Variants in SLC34A1 observed in about 807,000 individuals in gnomAD.
SLC34A1 encodes the protein solute carrier family 34 member 1, also known as sodium-dependent phosphate transport protein 2A.
In SLC34A1, 57 loss-of-function variants were observed where a neutral mutation model predicts 51.4. The ratio of observed to expected loss-of-function variants is 1.11; its 90% CI spans 0.90 to 1.38. The LOEUF (loss-of-function observed/expected upper bound fraction) is 1.38. Among genes scored for constraint, SLC34A1 ranks in the 40% most tolerant of loss-of-function variants. SLC34A1 has a pLI of 0.00. For missense variants in SLC34A1, 796 were observed against 835.6 expected (o/e 0.95, Z 0.58); for synonymous variants, 368 against 358.0 (o/e 1.03, Z -0.32).
intron 8 of SLC34A1, among the ~76,000 whole-genome samples, chr5:177,391,917 C>G (rs1372364636): frequency 6.6e-6 from 1 of 152,174 alleles, no homozygotes; most frequent in Non-Finnish European, 1.5e-5. Flanking sequence ...TCAGATCTGC[C>G]TAACAGCAAA....
chr5:177,396,800 C>T lies in SLC34A1; in HGVS notation c.1242C>T (p.Phe414=), dbSNP rs9686792. 6 of 1,614,242 alleles carry T rather than the reference C, an allele frequency of 3.7e-6. No homozygotes were observed. Among genetic ancestry groups the T allele is most frequent in the South Asian group, 1.1e-5 (1 of 91,086 alleles). The change falls in exon 11 of 13, where the codon TTC becomes TTT. Residue 414 remains phenylalanine, a synonymous_variant. Transcript: ENST00000324417. This position sits in a 1 kb window ranked among gnomAD's most constrained non-coding sequence, Gnocchi z 4.0. ...TGGTGGTGGGCGCCAGCATGACCTT[C>T]GTGGTCCAGAGCAGTTCTGTGTTCA... ...FAMVVGASMT[F]VVQSSSVFTS... is the part of the protein sequence containing the mutation.
At chr5:177,385,477 A>T (rs1762527915) in intron 1 of SLC34A1, among the ~76,000 whole-genome samples, 1 of 150,914 alleles carries the variant, frequency 6.6e-6, no homozygotes, top group South Asian at 2.1e-4. Context: ...TGCACATGTG[A>T]GTCTGCATGT....
rs750711955 is a variant in SLC34A1, at chr5:177,394,060, G to C, written c.1039G>C (p.Asp347His). The change falls in exon 10 of 13, where the codon GAC becomes CAC. Residue 347 changes from aspartate to histidine, a missense_variant. By Grantham distance (81) the Asp-to-His change is moderately conservative. Coordinates refer to ENST00000324417, the MANE Select transcript of SLC34A1 (RefSeq NM_003052.5). Reference sequence around the variant, plus strand: ...CATCTTTGTGGACACTGGCCTACCGGACCTGGCTGTGGGGCTCATCCTGCT... The same window carrying C: ...CATCTTTGTGGACACTGGCCTACCGCACCTGGCTGTGGGGCTCATCCTGCT... The part of the protein sequence containing the change: ...NHIFVDTGLP[D>H]LAVGLILLAG... The C allele has an allele frequency of 8.7e-6, 14 of 1,613,936 alleles. No individual in the cohort carries two copies. In the Admixed American group the frequency reaches 2.3e-4, roughly 27 times the overall value.
Position 177,394,193 on chromosome 5 carries a change from C to T in SLC34A1, c.1172C>T (p.Thr391Met), listed in dbSNP as rs143201338. The change falls in exon 10 of 13, where the codon ACG becomes ATG. Residue 391 changes from threonine (T) to methionine (M), a missense_variant and splice_region_variant. Physicochemically the swap from Thr to Met is moderately conservative, Grantham distance 81. Transcript: ENST00000324417. The part of the protein sequence containing the change: ...VAKVIQKVIN[T>M]DFPAPFTWVT... ...AAGGTCATCCAGAAGGTCATCAATA[C>T]GGGTGAGCTGCGAGCAGTTGACTGG... 177 of 1,613,922 alleles carry T rather than the reference C, an allele frequency of 1.1e-4. No individual in the cohort carries two copies. In the African/African-American group the frequency reaches 1.8e-3, roughly 17 times the overall value.
chr5:177,390,110 C>T, intron 8 of SLC34A1: 1 of 1,089,622 alleles, frequency 9.2e-7, no homozygotes, highest in Non-Finnish European at 1.1e-6. Flanking sequence ...ACAGAGTCTC[C>T]CCGTGCTCCC....
chr5:177,390,831 T>C (rs1426405047), intron 8 of SLC34A1, among the ~76,000 whole-genome samples: 1 of 152,092 alleles, frequency 6.6e-6, no homozygotes, highest in Non-Finnish European at 1.5e-5. Context: ...AGAAGGGGCC[T>C]CTTTAATTTA....
intron 8 of SLC34A1, among the ~76,000 whole-genome samples, chr5:177,393,047 A>G (rs1301273045): frequency 6.6e-6 from 1 of 152,234 alleles, no homozygotes; most frequent in African/African-American, 2.4e-5. Flanking sequence ...TGCTGACTCT[A>G]CAGGCCCAGC....
rs1762977966 is a variant in SLC34A1, at chr5:177,396,662, C to T, written c.1175-71C>T. 5 of 1,309,938 alleles carry T rather than the reference C, an allele frequency of 3.8e-6. No homozygotes were observed. The highest frequency in any genetic ancestry group is 1.7e-5 in the Admixed American group (1 of 59,510). 81.1% of individuals were successfully genotyped at this position (1,309,938 alleles called of 1,614,324 possible). A position where few individuals can be genotyped will look rare whatever the true frequency, so the allele number is the denominator to read the frequency against. On this transcript the variant is annotated intron_variant, in intron 10 of 12. Transcript: ENST00000324417. The surrounding 1 kb of genome is among the most constrained non-coding windows in gnomAD (Gnocchi z 4.0). ...CCCGCGGAGGTCCGCTCTCCCAGTGCCCCCGCGGAGGTCTGCTCTCCCAAT... is the reference window on the plus strand; with the variant it reads ...CCCGCGGAGGTCCGCTCTCCCAGTGTCCCCGCGGAGGTCTGCTCTCCCAAT...
chr5:177,398,709 C>T lies in SLC34A1; in HGVS notation c.*423C>T, dbSNP rs1763053303. 1 of 218,204 alleles carries T rather than the reference C, an allele frequency of 4.6e-6. No homozygotes were observed. Among genetic ancestry groups the T allele is most frequent in the Non-Finnish European group, 9.4e-6 (1 of 106,442 alleles). The allele number at this position is 218,204 out of a possible 1,614,324, so 13.5% of individuals were successfully genotyped here. ...GTTGGTGCCTGCGTTACTGAATTTG[C>T]ACACCTCCTTGCCACCTTCCTTCCT... On this transcript the variant is annotated 3_prime_UTR_variant, in exon 13 of 13. Transcript: ENST00000324417. This position sits in a 1 kb window ranked among gnomAD's most constrained non-coding sequence, Gnocchi z 4.7.
At position 177,385,682 on chromosome 5, in the gene SLC34A1, TA is replaced by T; in HGVS notation, c.-47-12del. The T allele has an allele frequency of 8.2e-7, 1 of 1,222,030 alleles. No homozygotes were observed. The highest frequency in any genetic ancestry group is 1.2e-6 in the Non-Finnish European group (1 of 835,068). 75.7% of individuals were successfully genotyped at this position (1,222,030 alleles called of 1,614,324 possible). The stretch of plus-strand genomic sequence containing the variant: ...TGGGCATGAGTGTCCCGGACACAGC[TA>T]TTGTCATTCAGCGTTGCTGAGACCC... On this transcript the variant is annotated splice_polypyrimidine_tract_variant and intron_variant, in intron 1 of 12. Transcript: ENST00000324417.
chr5:177,396,653 C>T lies in SLC34A1; in HGVS notation c.1175-80C>T, dbSNP rs532655193. 1 of 1,202,288 alleles carries T rather than the reference C, an allele frequency of 8.3e-7. No homozygotes were observed. Among genetic ancestry groups the T allele is most frequent in the East Asian group, 2.3e-5 (1 of 42,894 alleles). The allele number at this position is 1,202,288 out of a possible 1,614,324, so 74.5% of individuals were successfully genotyped here. On this transcript the variant is annotated intron_variant, in intron 10 of 12. Transcript: ENST00000324417. The surrounding 1 kb of genome is among the most constrained non-coding windows in gnomAD (Gnocchi z 4.0). Reference sequence around the variant, plus strand: ...CCCAGTGCCCCCGCGGAGGTCCGCTCTCCCAGTGCCCCCGCGGAGGTCTGC... The same window carrying T: ...CCCAGTGCCCCCGCGGAGGTCCGCTTTCCCAGTGCCCCCGCGGAGGTCTGC...
At chr5:177,387,730 C>G (rs1762638945) in intron 5 of SLC34A1, 32 bp from the exon 6 acceptor site, 9 of 1,583,282 alleles carry the variant, frequency 5.7e-6, no homozygotes, top group Non-Finnish European at 7.8e-6. Context: ...GGGTGACCGT[C>G]AAATTCATTA....
rs1236724821 is a variant in SLC34A1 at position 177,388,464 on chromosome 5, G to C, written c.936+92G>C. On this transcript the variant is annotated intron_variant, in intron 8 of 12. Coordinates refer to ENST00000324417, the MANE Select transcript of SLC34A1 (RefSeq NM_003052.5). The surrounding 1 kb of genome is among the most constrained non-coding windows in gnomAD (Gnocchi z 4.3). Reference sequence around the variant, plus strand: ...CAAAATGCTCCAGATAGACCTTGAAGATCATTTAGCCAGGAGAGGGCAAAT... The same window carrying C: ...CAAAATGCTCCAGATAGACCTTGAACATCATTTAGCCAGGAGAGGGCAAAT... 17 of 1,138,330 alleles carry C rather than the reference G, an allele frequency of 1.5e-5. No individual in the cohort carries two copies. Among genetic ancestry groups the C allele is most frequent in the Admixed American group, 7.4e-5 (4 of 53,818 alleles). The allele number at this position is 1,138,330 out of a possible 1,614,324, so 70.5% of individuals were successfully genotyped here. A position where few individuals can be genotyped will look rare whatever the true frequency, so the allele number is the denominator to read the frequency against.
rs975958205 is a variant in SLC34A1, at chr5:177,386,430, G to A, written c.396G>A (p.Val132=). 6.2e-7 allele frequency: 1 copy of A among 1,614,234 alleles called. No homozygotes were observed. The highest frequency in any genetic ancestry group is 8.5e-7 in the Non-Finnish European group (1 of 1,180,034). Residue 132 remains valine (V), a synonymous_variant, in exon 5 of 13, where the codon GTG becomes GTA. Transcript: ENST00000324417. This position sits in a 1 kb window ranked among gnomAD's most constrained non-coding sequence, Gnocchi z 4.8. ...CTGGCTCATGCTCCCCAGGGAAGGT[G>A]GCTGGTGACATCTTCAAGGATAACG... ...SSAFQLAGGK[V]AGDIFKDNAI...
intron 12 of SLC34A1, chr5:177,397,314 A>G (rs370188639): frequency 8.4e-5 from 47 of 560,704 alleles, no homozygotes; most frequent in African/African-American, 7.5e-4. Context: ...GATTTGCACC[A>G]TAAGGAAGAG....
rs1762993866 is a variant in SLC34A1 at position 177,397,074 on chromosome 5, G to C, written c.1416G>C (p.Gln472His). The C allele has an allele frequency of 6.2e-7, 1 of 1,612,794 alleles. No individual in the cohort carries two copies. Among genetic ancestry groups the C allele is most frequent in the South Asian group, 1.1e-5 (1 of 91,024 alleles). Residue 472 changes from glutamine to histidine, a missense_variant and splice_region_variant, in exon 12 of 13, where the codon CAG becomes CAC. By Grantham distance (24) the Gln-to-His change is conservative (BLOSUM62 0). Transcript: ENST00000324417. ...GGGAGAAGCTGTCCAGCGCTTTCCAGGTGCGCTGGGAGTGTAGCCTCGCCT... is the reference window on the plus strand; with the variant it reads ...GGGAGAAGCTGTCCAGCGCTTTCCACGTGCGCTGGGAGTGTAGCCTCGCCT... The part of the protein sequence containing the change: ...SPREKLSSAF[Q>H]IALCHFFFNI...
Position 177,386,667 on chromosome 5 carries a change from T to C in SLC34A1, c.532+101T>C. Reference sequence around the variant, plus strand: ...GTGACCCCAGTAAGGCTGGCCTCCATTCAGCTTGACTCCTGTATCAGCCAG... The same window carrying C: ...GTGACCCCAGTAAGGCTGGCCTCCACTCAGCTTGACTCCTGTATCAGCCAG... On this transcript the variant is annotated intron_variant, in intron 5 of 12. Transcript: ENST00000324417. The surrounding 1 kb of genome is among the most constrained non-coding windows in gnomAD (Gnocchi z 4.8). The C allele has an allele frequency of 7.0e-7, 1 of 1,418,442 alleles. No homozygotes were observed. 87.9% of individuals were successfully genotyped at this position (1,418,442 alleles called of 1,614,324 possible).
Position 177,398,687 on chromosome 5 carries a change from G to A in SLC34A1, c.*401G>A, listed in dbSNP as rs1166786997. 1 of 248,462 alleles carries A rather than the reference G, an allele frequency of 4.0e-6. No homozygotes were observed. Among genetic ancestry groups the A allele is most frequent in the Non-Finnish European group, 8.0e-6 (1 of 125,122 alleles). The allele number at this position is 248,462 out of a possible 1,614,324, so 15.4% of individuals were successfully genotyped here. On this transcript the variant is annotated 3_prime_UTR_variant, in exon 13 of 13. Coordinates refer to ENST00000324417, the MANE Select transcript of SLC34A1 (RefSeq NM_003052.5). The surrounding 1 kb of genome is among the most constrained non-coding windows in gnomAD (Gnocchi z 4.7). ...GTGCAGCTGTTTGTGCATAGATGTTGGTGCCTGCGTTACTGAATTTGCACA... is the reference window on the plus strand; with the variant it reads ...GTGCAGCTGTTTGTGCATAGATGTTAGTGCCTGCGTTACTGAATTTGCACA...
chr5:177,387,115 A>G (rs1021129331), intron 5 of SLC34A1, among the ~76,000 whole-genome samples: 4 of 152,064 alleles, frequency 2.6e-5, no homozygotes, highest in African/African-American at 9.7e-5. Flanking sequence ...TCATGCCTGT[A>G]ATCCCAGCAC....
Sources: allele counts gnomAD v4.1 joint callset (sites outside exome capture counted in the v4.1 genomes callset), GRCh38; gene constraint gnomAD v4.1.1; non-coding constraint Gnocchi (gnomAD v3.1); transcripts MANE v1.5; gene names NCBI Gene and HGNC (gene_info 2026-07-23, HGNC 2026-07-21).